CACNB2: variants seen among roughly 807,000 people sequenced by gnomAD.
CACNB2 encodes calcium voltage-gated channel auxiliary subunit beta 2.
A neutral mutation model predicts 73.3 loss-of-function variants in CACNB2; 42 were observed. The observed-to-expected ratio is 0.57, with a 90% confidence interval of 0.45 to 0.74. The LOEUF (loss-of-function observed/expected upper bound fraction) is 0.74. CACNB2 is among the 30% of genes least tolerant of loss of function. CACNB2 has a pLI of 0.00. For missense variants in CACNB2, 940 were observed against 853.0 expected, an observed-to-expected ratio of 1.10 and a Z score of -1.27; for synonymous variants, 348 against 310.3, an observed-to-expected ratio of 1.12 and a Z score of -1.28.
At chr10:18,369,765 G>T (rs2042500127) in intron 2 of CACNB2, among the ~76,000 whole-genome samples, 2 of 152,090 alleles carry the variant, frequency 1.3e-5, no homozygotes, top group South Asian at 4.1e-4. Context: ...AAATTAGCCA[G>T]GCGTGGTGGC....
intron 2 of CACNB2, among the ~76,000 whole-genome samples, chr10:18,183,681 G>A (rs543248147): frequency 6.6e-6 from 1 of 152,276 alleles, no homozygotes; most frequent in Non-Finnish European, 1.5e-5. Flanking sequence ...TCCCTCCCAT[G>A]ACATGCAGGA....
chr10:18,157,725 G>A lies in CACNB2; in HGVS notation c.213+6750G>A, dbSNP rs369169421. On this transcript the variant is annotated intron_variant, in intron 2 of 13. Coordinates refer to ENST00000324631, the MANE Select transcript of CACNB2 (RefSeq NM_201596.3). ...CCAGATTCTTGTCCTTATTGGTTAT[G>A]CTATACTTCCTTGTAGCTAAAGGAA... Among the ~76,000 whole-genome samples, 22 of 152,242 alleles carry A rather than the reference G, an allele frequency of 1.4e-4. No individual in the cohort carries two copies. The East Asian group carries it at 1.9e-3, about 13-fold the overall frequency.
intron 2 of CACNB2, among the ~76,000 whole-genome samples, chr10:18,171,335 G>C (rs1434866993): frequency 6.6e-6 from 1 of 151,976 alleles, no homozygotes; most frequent in Non-Finnish European, 1.5e-5. Context: ...TAGGCAACAA[G>C]AGATATGTTG....
intron 2 of CACNB2, among the ~76,000 whole-genome samples, chr10:18,348,371 A>G (rs1055599996): frequency 1.3e-5 from 2 of 152,208 alleles, no homozygotes; most frequent in African/African-American, 4.8e-5. Context: ...TTTAATTAAG[A>G]TACATATGTT....
intron 2 of CACNB2, among the ~76,000 whole-genome samples, chr10:18,275,941 G>A (rs1236738599): frequency 6.6e-6 from 1 of 152,284 alleles, no homozygotes; most frequent in Admixed American, 6.5e-5. Flanking sequence ...TTACTTAATT[G>A]CCACGAGAGT....
rs370674801 is a variant in CACNB2, at chr10:18,187,463, C to T, written c.213+36488C>T. 6.9e-4 allele frequency among the ~76,000 whole-genome samples: 105 copies of T among 152,052 alleles called. 1 individual carries two copies. In the South Asian group the frequency reaches 0.011, roughly 16 times the overall value. ...ATTTCTAACACTTTGTTTGAATCACCAAAATGAGAAGAAATAGATTTACGG... is the reference window on the plus strand; with the variant it reads ...ATTTCTAACACTTTGTTTGAATCACTAAAATGAGAAGAAATAGATTTACGG... On this transcript the variant is annotated intron_variant, in intron 2 of 13. Transcript: ENST00000324631.
intron 2 of CACNB2, among the ~76,000 whole-genome samples, chr10:18,204,053 T>C (rs965020411): frequency 6.6e-6 from 1 of 152,108 alleles, no homozygotes; most frequent in African/African-American, 2.4e-5. Context: ...AAGCTTATCC[T>C]TATAGGAGAA....
chr10:18,446,313 C>G (rs1418017362), intron 3 of CACNB2, among the ~76,000 whole-genome samples: 2 of 152,034 alleles, frequency 1.3e-5, no homozygotes, highest in Non-Finnish European at 2.9e-5. Context: ...AGGTTTTGAA[C>G]CAGGAAATGA....
At chr10:18,249,788 C>T (rs983410062) in intron 2 of CACNB2, among the ~76,000 whole-genome samples, 1 of 152,210 alleles carries the variant, frequency 6.6e-6, no homozygotes, top group Admixed American at 6.5e-5. Context: ...CACCTCCCTT[C>T]TGGACCCTGG....
At chr10:18,328,570 C>T (rs1378291757) in intron 2 of CACNB2, among the ~76,000 whole-genome samples, 2 of 152,178 alleles carry the variant, frequency 1.3e-5, no homozygotes, top group Non-Finnish European at 2.9e-5. Context: ...TACACAGGCA[C>T]TTAAAGGGTC....
chr10:18,272,194 G>C (rs2038082808), intron 2 of CACNB2, among the ~76,000 whole-genome samples: 1 of 152,108 alleles, frequency 6.6e-6, no homozygotes, highest in South Asian at 2.1e-4. Flanking sequence ...ATTCGAAAGA[G>C]TGGATCACAA....
At chr10:18,378,150 C>T (rs552070348) in intron 2 of CACNB2, among the ~76,000 whole-genome samples, 20 of 152,178 alleles carry the variant, frequency 1.3e-4, no homozygotes, top group African/African-American at 3.9e-4. Context: ...TACAGGGACA[C>T]GCAACTGATA....
Position 18,433,314 on chromosome 10 carries a change from C to T in CACNB2, c.333+31271C>T, listed in dbSNP as rs543844333. ...AAGCAGTTTAATATAACTGGATCAG[C>T]GACCACAAAAAAACCAGTTTCTCTT... On this transcript the variant is annotated intron_variant, in intron 3 of 13. Coordinates refer to ENST00000324631, the MANE Select transcript of CACNB2 (RefSeq NM_201596.3). Among the ~76,000 whole-genome samples the T allele has an allele frequency of 4.1e-4, 62 of 152,184 alleles. 1 individual carries two copies. Among genetic ancestry groups the T allele is most frequent in the Admixed American group, 1.5e-3 (23 of 15,296 alleles).
chr10:18,277,309 G>C lies in CACNB2; in HGVS notation c.214-124615G>C, dbSNP rs117431278. On this transcript the variant is annotated intron_variant, in intron 2 of 13. Transcript: ENST00000324631. The stretch of plus-strand genomic sequence containing the variant: ...GCAACACCCTTTAAGACAGAATGTT[G>C]TGTTCATGGCAGAACACCAGAGTGA... 2.7e-3 allele frequency among the ~76,000 whole-genome samples: 413 copies of C among 152,348 alleles called. 2 individuals carry two copies. The highest frequency in any genetic ancestry group is 3.5e-3 in the Non-Finnish European group (238 of 68,036).
chr10:18,522,993 A>G (rs2052078407), intron 9 of CACNB2, among the ~76,000 whole-genome samples: 1 of 151,796 alleles, frequency 6.6e-6, no homozygotes, highest in South Asian at 2.1e-4. Context: ...AAAAGACTTT[A>G]TAATCAAGGT....
In CACNB2 at chr10:18,384,009, G is replaced by A. The variant is rs147036049; in HGVS notation, c.214-17915G>A. The stretch of plus-strand genomic sequence containing the variant: ...GCATGAGCCACCACGCCCAGCCATA[G>A]AATGCTGTTTAAAATGCCACAGTTA... On this transcript the variant is annotated intron_variant, in intron 2 of 13. Transcript: ENST00000324631. Among the ~76,000 whole-genome samples, 806 of 152,230 alleles carry A rather than the reference G, an allele frequency of 5.3e-3. 3 individuals are homozygous for A. The highest frequency in any genetic ancestry group is 0.018 in the African/African-American group (767 of 41,558).
chr10:18,140,914 C>T, intron 1 of CACNB2, 58 bp downstream of exon 1: 1 of 1,551,024 alleles, frequency 6.4e-7, no homozygotes, highest in Non-Finnish European at 8.7e-7. Context: ...GGGCACCGAC[C>T]TCGGGTTCTC....
intron 2 of CACNB2, among the ~76,000 whole-genome samples, chr10:18,215,118 G>A (rs56405917): frequency 0.05 from 7,657 of 151,888 alleles, 619 homozygotes; most frequent in African/African-American, 0.17. Flanking sequence ...TTCCCTTCAC[G>A]GAGATTCCCA....
At chr10:18,461,460 G>T (rs958536604) in intron 3 of CACNB2, among the ~76,000 whole-genome samples, 2 of 151,816 alleles carry the variant, frequency 1.3e-5, no homozygotes, top group African/African-American at 4.8e-5. Context: ...ATTCTATCAA[G>T]ATATATTTAT....
Sources: allele counts gnomAD v4.1 joint callset (sites outside exome capture counted in the v4.1 genomes callset), GRCh38; gene constraint gnomAD v4.1.1; transcripts MANE v1.5; gene names NCBI Gene and HGNC (gene_info 2026-07-23, HGNC 2026-07-21).